Variants in GDA observed in about 807,000 individuals in gnomAD.
The protein encoded by GDA is cytoplasmic PSD-95 interactor.
In GDA, 18 loss-of-function variants were observed where a neutral mutation model predicts 59.6. The observed-to-expected ratio is 0.30, with a 90% confidence interval of 0.21 to 0.45. GDA has a LOEUF of 0.45. GDA is among the 20% of genes least tolerant of loss of function. GDA has a pLI of 1.00. For synonymous variants in GDA, 201 were observed against 201.1 expected (o/e 1.00, Z 0.00); for missense variants, 427 against 552.3 (o/e 0.77, Z 2.27).
chr9:72,118,641 A>C (rs1825553846), intron 1 of GDA, among the ~76,000 whole-genome samples: 1 of 152,214 alleles, frequency 6.6e-6, no homozygotes, highest in African/African-American at 2.4e-5. Flanking sequence ...GTATAAATAC[A>C]TGAAAAAAAT....
At chr9:72,174,932 A>G (rs912428978) in intron 1 of GDA, among the ~76,000 whole-genome samples, 5 of 151,992 alleles carry the variant, frequency 3.3e-5, no homozygotes, top group Admixed American at 2.0e-4. Context: ...TCCAGAGGGA[A>G]GATCATGTGT....
At chr9:72,131,648 GAC>G (rs146874035) in intron 1 of GDA, among the ~76,000 whole-genome samples, 3 of 150,962 alleles carry the variant, frequency 2.0e-5, no homozygotes, top group Admixed American at 6.6e-5. Flanking sequence ...CACGTGCACA[GAC>G]ACACACACAC....
rs1421952537 is a variant in GDA at position 72,194,613 on chromosome 9, C to T, written c.124-887C>T. The stretch of plus-strand genomic sequence containing the variant: ...TGATGCCAGCACTCCTGCAGCCACC[C>T]CAATTTGTGTCTCAGGAGGTTGTGT... On this transcript the variant is annotated intron_variant, in intron 1 of 13. Coordinates refer to ENST00000358399, the MANE Select transcript of GDA (RefSeq NM_004293.5). Among the ~76,000 whole-genome samples the T allele has an allele frequency of 2.0e-5, 3 of 152,248 alleles. No homozygotes were observed. The East Asian group carries it at 5.8e-4, about 29-fold the overall frequency.
downstream of GDA, among the ~76,000 whole-genome samples, chr9:72,259,538 A>G (rs1417628844): frequency 2.0e-5 from 3 of 152,088 alleles, no homozygotes; most frequent in Non-Finnish European, 2.9e-5. Context: ...GCCATGGAAG[A>G]CCTGCTGATT....
chr9:72,170,235 G>T (rs575026328), intron 1 of GDA, among the ~76,000 whole-genome samples: 1 of 152,226 alleles, frequency 6.6e-6, no homozygotes, highest in East Asian at 1.9e-4. Context: ...AACCAAGTGC[G>T]GTAGCTTCTG....
chr9:72,163,787 C>G (rs921615134), intron 1 of GDA, among the ~76,000 whole-genome samples: 2 of 152,170 alleles, frequency 1.3e-5, no homozygotes, highest in African/African-American at 4.8e-5. Context: ...CCACCATGCC[C>G]GGCCAACTAT....
chr9:72,227,839 C>A (rs1837785901), intron 8 of GDA, 104 bp from the exon 9 acceptor site: 2 of 661,838 alleles, frequency 3.0e-6, no homozygotes, highest in African/African-American at 1.8e-5. Context: ...AAGATGCTAA[C>A]AGCCAAGCTA....
upstream of GDA, chr9:72,149,413 C>A: frequency 1.1e-6 from 1 of 917,936 alleles, no homozygotes; most frequent in Non-Finnish European, 1.6e-6. Flanking sequence ...CTGCAGGGTA[C>A]CGGCAACCGC....
chr9:72,199,922 C>T (rs139195752), intron 2 of GDA, among the ~76,000 whole-genome samples: 203 of 152,064 alleles, frequency 1.3e-3, no homozygotes, highest in African/African-American at 4.6e-3. Flanking sequence ...GTTTGTTCTT[C>T]CTTCCACAGA....
intron 1 of GDA, among the ~76,000 whole-genome samples, chr9:72,183,718 T>A (rs1257601516): frequency 6.6e-6 from 1 of 152,182 alleles, no homozygotes; most frequent in Non-Finnish European, 1.5e-5. Context: ...ATAGGGTTCT[T>A]GTGAGGTTTA....
At chr9:72,225,974 T>C (rs886924288) in intron 8 of GDA, among the ~76,000 whole-genome samples, 190 bp downstream of exon 8, 1 of 150,308 alleles carries the variant, frequency 6.7e-6, no homozygotes, top group Non-Finnish European at 1.5e-5. Flanking sequence ...ATTTCTTAAA[T>C]TAGAGTAAAG....
At position 72,245,187 on chromosome 9, in the gene GDA, G is replaced by A; in HGVS notation, c.1175G>A (p.Gly392Asp). The A allele has an allele frequency of 6.2e-7, 1 of 1,613,216 alleles. No homozygotes were observed. The highest frequency in any genetic ancestry group is 8.5e-7 in the Non-Finnish European group (1 of 1,179,228). The change falls in exon 12 of 14, where the codon GGC becomes GAC. Residue 392 changes from glycine to aspartate, a missense_variant. Physicochemically the swap from Gly to Asp is moderately conservative, Grantham distance 94 (BLOSUM62 -1). Coordinates refer to ENST00000358399, the MANE Select transcript of GDA (RefSeq NM_004293.5). ...LDGEIGNFEV[G>D]KEFDAILINP... ...GGTGAGATTGGAAACTTTGAAGTGG[G>A]CAAGGAATTTGATGCCATCCTGATC...
chr9:72,184,533 G>T (rs1012319855), intron 1 of GDA, among the ~76,000 whole-genome samples: 1 of 152,108 alleles, frequency 6.6e-6, no homozygotes, highest in African/African-American at 2.4e-5. Context: ...TGGCTTAATA[G>T]CTCATTTATT....
At chr9:72,242,281 G>A (rs1225973492) in intron 11 of GDA, among the ~76,000 whole-genome samples, 1 of 152,100 alleles carries the variant, frequency 6.6e-6, no homozygotes, top group Non-Finnish European at 1.5e-5. Context: ...TCTTTAAAAG[G>A]ATAAAGATGT....
intron 1 of GDA, among the ~76,000 whole-genome samples, 156 bp downstream of exon 1, chr9:72,149,838 A>G (rs1826932899): frequency 6.6e-6 from 1 of 152,188 alleles, no homozygotes; most frequent in East Asian, 1.9e-4. Flanking sequence ...GGCAACGCAG[A>G]GAGAACCCTG....
downstream of GDA, among the ~76,000 whole-genome samples, chr9:72,254,075 A>G (rs924733910): frequency 1.3e-5 from 2 of 152,214 alleles, no homozygotes; most frequent in Non-Finnish European, 2.9e-5. Flanking sequence ...CTCACAGGTA[A>G]CGCTCACCAA....
downstream of GDA, among the ~76,000 whole-genome samples, chr9:72,254,810 A>G (rs369442349): frequency 4.6e-5 from 7 of 152,188 alleles, no homozygotes; most frequent in East Asian, 1.9e-4. Context: ...TCAGATTTCT[A>G]AATTTGGTGC....
chr9:72,170,103 CAAAG>C (rs1293503656), intron 1 of GDA, among the ~76,000 whole-genome samples: 2 of 152,128 alleles, frequency 1.3e-5, no homozygotes, highest in Non-Finnish European at 2.9e-5. Flanking sequence ...CGGGATATGA[CAAAG>C]AAGATCATTT....
At chr9:72,207,312 A>C (rs1018746750) in intron 3 of GDA, among the ~76,000 whole-genome samples, 3 of 152,094 alleles carry the variant, frequency 2.0e-5, no homozygotes, top group African/African-American at 7.2e-5. Context: ...AAAATATTGA[A>C]ACTTCTGTTC....
Sources: allele counts gnomAD v4.1 joint callset (sites outside exome capture counted in the v4.1 genomes callset), GRCh38; gene constraint gnomAD v4.1.1; transcripts MANE v1.5; gene names NCBI Gene and HGNC (gene_info 2026-07-23, HGNC 2026-07-21).